GJA8: variants seen among roughly 807,000 people sequenced by gnomAD.
GJA8 encodes the protein gap junction protein alpha 8.
In GJA8, 13 loss-of-function variants were observed where a neutral mutation model predicts 15.3. The observed-to-expected ratio is 0.85, with a 90% CI of 0.55 to 1.35. The LOEUF (loss-of-function observed/expected upper bound fraction) is 1.35, where lower values mean the gene tolerates loss of function less well. Ranked by LOEUF, GJA8 falls within the 40% of genes most tolerant of loss-of-function variation. GJA8 has a pLI of 0.00. For missense variants in GJA8, 607 were observed against 553.3 expected, an observed-to-expected ratio of 1.10 and a Z score of -0.97; for synonymous variants, 304 against 238.7, an observed-to-expected ratio of 1.27 and a Z score of -2.52.
rs1229435930 is a variant in GJA8, at chr1:147,907,835, A to G, written c.-11-110A>G. On this transcript the variant is annotated intron_variant, in intron 1 of 1. Coordinates refer to ENST00000369235, the MANE Select transcript of GJA8 (RefSeq NM_005267.5). ...CTGGATAGACGCTGTGTGCACATTG[A>G]CCGTTCTGGCAACTTGGAAAGGAGA... The G allele has an allele frequency of 2.6e-5, 21 of 793,406 alleles. No individual in the cohort carries two copies. The East Asian group carries it at 4.6e-4, about 17-fold the overall frequency. 49.1% of individuals were successfully genotyped at this position (793,406 alleles called of 1,614,324 possible). A position where few individuals can be genotyped will look rare whatever the true frequency, so the allele number is the denominator to read the frequency against.
In GJA8 at chr1:147,909,022, T is replaced by C; in HGVS notation, c.1067T>C (p.Leu356Pro). 1 of 1,595,576 alleles carries C rather than the reference T, an allele frequency of 6.3e-7. No individual in the cohort carries two copies. The highest frequency in any genetic ancestry group is 8.5e-7 in the Non-Finnish European group (1 of 1,170,570). The change falls in exon 2 of 2, where the codon CTG becomes CCG. Residue 356 changes from leucine to proline, a missense_variant. Physicochemically the swap from Leu to Pro is moderately conservative, Grantham distance 98. Coordinates refer to ENST00000369235, the MANE Select transcript of GJA8 (RefSeq NM_005267.5). ...VGEKKEEAER[L>P]TTEEQEKVAV... is the part of the protein sequence containing the mutation. The stretch of plus-strand genomic sequence containing the variant: ...GAGAAGAAGGAGGAAGCAGAGAGGC[T>C]GACCACGGAGGAGCAGGAGAAGGTG...
chr1:147,903,441 T>G (rs182710075), intron 1 of GJA8, among the ~76,000 whole-genome samples: 1 of 152,192 alleles, frequency 6.6e-6, no homozygotes, highest in Middle Eastern at 3.2e-3. Context: ...ACTTTCCACC[T>G]GGTTACCAAC....
Position 147,907,684 on chromosome 1 carries a change from C to A in GJA8, c.-11-261C>A, listed in dbSNP as rs770678968. On this transcript the variant is annotated intron_variant, in intron 1 of 1. Coordinates refer to ENST00000369235, the MANE Select transcript of GJA8 (RefSeq NM_005267.5). ...TATTGCCTCATTGATGCTTTCAGAC[C>A]ATTTGTGAAGTGAATGAGAATAGGT... is the stretch of plus-strand genomic sequence containing the variant. 5.8e-4 allele frequency among the ~76,000 whole-genome samples: 88 copies of A among 152,064 alleles called. 1 individual carries two copies. The highest frequency in any genetic ancestry group is 1.1e-3 in the Non-Finnish European group (72 of 68,018).
chr1:147,913,873 A>G (rs1553243774), downstream of GJA8, among the ~76,000 whole-genome samples: 1 of 152,228 alleles, frequency 6.6e-6, no homozygotes, highest in East Asian at 1.9e-4. Context: ...TACAATCTGT[A>G]AAACTACTAA....
chr1:147,912,047 AT>A (rs1171101646), downstream of GJA8, among the ~76,000 whole-genome samples: 1 of 151,966 alleles, frequency 6.6e-6, no homozygotes, highest in Non-Finnish European at 1.5e-5. Context: ...AAGGGGCTGC[AT>A]TTTTTTTCTA....
rs1553242519 is a variant in GJA8 at position 147,908,018 on chromosome 1, C to T, written c.63C>T (p.Ile21=). The T allele has an allele frequency of 1.9e-6, 3 of 1,614,050 alleles. 1 individual carries two copies. The South Asian group carries it at 3.3e-5, about 18-fold the overall frequency. ...AGGTGAATGAGCACTCCACCGTCATCGGCAGAGTCTGGCTCACCGTGCTTT... is the reference window on the plus strand; with the variant it reads ...AGGTGAATGAGCACTCCACCGTCATTGGCAGAGTCTGGCTCACCGTGCTTT... The part of the protein sequence containing the change: ...LEEVNEHSTV[I]GRVWLTVLFI... The change falls in exon 2 of 2, where the codon ATC becomes ATT. Residue 21 remains isoleucine, a synonymous_variant. Transcript: ENST00000369235.
chr1:147,914,167 T>A (rs1652290812), downstream of GJA8, among the ~76,000 whole-genome samples: 1 of 152,120 alleles, frequency 6.6e-6, no homozygotes, highest in Non-Finnish European at 1.5e-5. Flanking sequence ...CATCCCATAG[T>A]CTCCAACGCC....
chr1:147,910,537 A>C (rs1305320840), downstream of GJA8, among the ~76,000 whole-genome samples: 1 of 152,212 alleles, frequency 6.6e-6, no homozygotes, highest in Non-Finnish European at 1.5e-5. Context: ...GAAAGAGAGC[A>C]AGTTGCCAAA....
chr1:147,911,552 G>A (rs1006485012), downstream of GJA8, among the ~76,000 whole-genome samples: 1 of 152,166 alleles, frequency 6.6e-6, no homozygotes, highest in Non-Finnish European at 1.5e-5. Flanking sequence ...TTGGAGGCAC[G>A]TGATTTTCTG....
downstream of GJA8, among the ~76,000 whole-genome samples, chr1:147,910,423 C>T (rs7544630): frequency 0.62 from 94,702 of 151,944 alleles, 31,827 homozygotes; most frequent in African/African-American, 0.87. Flanking sequence ...CCAGGAGATA[C>T]CTAAAGTTCT....
chr1:147,913,323 T>A (rs886732531), downstream of GJA8, among the ~76,000 whole-genome samples: 1 of 152,180 alleles, frequency 6.6e-6, no homozygotes, highest in Non-Finnish European at 1.5e-5. Context: ...GATTGTTAAC[T>A]AAGATACTGA....
At chr1:147,909,283 A>AACGCC, downstream of GJA8, 1 of 1,481,080 alleles carries the variant, frequency 6.8e-7, no homozygotes. Context: ...AAAAAAAAAA[A>AACGCC]CGCCCAAGCT....
downstream of GJA8, among the ~76,000 whole-genome samples, chr1:147,913,259 T>C (rs1025330458): frequency 4.6e-5 from 7 of 152,212 alleles, no homozygotes; most frequent in Non-Finnish European, 1.0e-4. Flanking sequence ...TGTAAGACCA[T>C]ATTGTAAAAT....
At chr1:147,913,354 A>G (rs1361340251), downstream of GJA8, among the ~76,000 whole-genome samples, 1 of 152,216 alleles carries the variant, frequency 6.6e-6, no homozygotes, top group Non-Finnish European at 1.5e-5. Flanking sequence ...GCCAATAACT[A>G]AAGTAAGGGA....
At chr1:147,913,032 G>T (rs1553243680), downstream of GJA8, among the ~76,000 whole-genome samples, 1 of 152,086 alleles carries the variant, frequency 6.6e-6, no homozygotes, top group Non-Finnish European at 1.5e-5. Flanking sequence ...TGTGACCTGG[G>T]GACCCACAAA....
At chr1:147,909,527 G>A (rs587720738), downstream of GJA8, among the ~76,000 whole-genome samples, 2 of 152,234 alleles carry the variant, frequency 1.3e-5, no homozygotes, top group East Asian at 1.9e-4. Flanking sequence ...AGCAGCTATG[G>A]GTGACTCTTC....
At chr1:147,907,910 C>T in intron 1 of GJA8, 35 bp from the exon 2 acceptor site, 2 of 1,464,960 alleles carry the variant, frequency 1.4e-6, no homozygotes, top group Non-Finnish European at 1.9e-6. Context: ...TGCATTGCGG[C>T]CGCTCAGCTC....
chr1:147,905,253 G>A (rs868906597), intron 1 of GJA8, among the ~76,000 whole-genome samples: 2 of 152,320 alleles, frequency 1.3e-5, no homozygotes, highest in Middle Eastern at 6.8e-3. Context: ...TGTCTATGGA[G>A]CTCCCACTCT....
chr1:147,909,244 A>C lies in GJA8; in HGVS notation c.1289A>C (p.Asp430Ala). 6.7e-7 allele frequency: 1 copy of C among 1,482,798 alleles called. No individual in the cohort carries two copies. The highest frequency in any genetic ancestry group is 9.3e-7 in the Non-Finnish European group (1 of 1,074,464). 91.9% of individuals were successfully genotyped at this position (1,482,798 alleles called of 1,614,324 possible). ...SKASSRARSD[D>A]LTV The stretch of plus-strand genomic sequence containing the variant: ...GCCAGCAGCCGAGCCAGGTCAGACG[A>C]TCTAACCGTATGAAGTGACGCCAAA... The change falls in exon 2 of 2, where the codon GAT (aspartate) becomes GCT (alanine). Residue 430 changes from aspartate (D) to alanine (A), a missense_variant. By Grantham distance (126) the Asp-to-Ala change is moderately radical (BLOSUM62 -2). Coordinates refer to ENST00000369235, the MANE Select transcript of GJA8 (RefSeq NM_005267.5).
Sources: allele counts gnomAD v4.1 joint callset (sites outside exome capture counted in the v4.1 genomes callset), GRCh38; gene constraint gnomAD v4.1.1; transcripts MANE v1.5; gene names NCBI Gene and HGNC (gene_info 2026-07-23, HGNC 2026-07-21).